Variants in SV2C observed in about 807,000 individuals in gnomAD.
The protein encoded by SV2C is synaptic vesicle glycoprotein 2C, also known as solute carrier family 22 member B3.
SV2C carries 49 observed loss-of-function variants against 79.7 expected under a neutral mutation model. That is an observed-to-expected ratio of 0.61 (90% CI 0.49 to 0.78). The LOEUF (loss-of-function observed/expected upper bound fraction) is 0.78. Among genes scored for constraint, SV2C ranks in the 30% least tolerant of loss-of-function variants. The pLI, the probability that SV2C is intolerant of heterozygous loss-of-function variation, is 0.00. For synonymous variants in SV2C, 334 were observed against 333.2 expected (o/e 1.00, Z -0.03); for missense variants, 833 against 912.9 (o/e 0.91, Z 1.13).
the SV2C span, among the ~76,000 whole-genome samples, chr5:75,978,123 A>G: frequency 6.6e-6 from 1 of 152,136 alleles, no homozygotes; most frequent in Non-Finnish European, 1.5e-5. Flanking sequence ...AAGGTCACCA[A>G]TGACCCCCAT....
intron 8 of SV2C, 128 bp downstream of exon 8, chr5:76,291,984 C>T: frequency 1.6e-6 from 1 of 637,086 alleles, no homozygotes; most frequent in East Asian, 2.9e-5. Flanking sequence ...TTTTTTTCAG[C>T]TTAGGTTTGC....
chr5:76,034,110 C>A, the SV2C span, among the ~76,000 whole-genome samples: 122,570 of 150,986 alleles, frequency 0.81, 50,402 homozygotes, highest in African/African-American at 0.95. Flanking sequence ...TATCCTGAGA[C>A]TTTGCTGAAG....
the SV2C span, among the ~76,000 whole-genome samples, chr5:76,059,483 A>C: frequency 8.4e-6 from 1 of 119,388 alleles, no homozygotes; most frequent in African/African-American, 3.7e-5. Flanking sequence ...CATCTGAAGA[A>C]ATCCTTTTTT....
the SV2C span, among the ~76,000 whole-genome samples, chr5:75,862,998 T>G: frequency 1.3e-5 from 2 of 152,208 alleles, no homozygotes; most frequent in African/African-American, 4.8e-5. Context: ...TGTTACCTGG[T>G]GTGGATTCCA....
intron 1 of SV2C, among the ~76,000 whole-genome samples, chr5:76,116,080 C>T (rs1580277661): frequency 6.6e-6 from 1 of 152,220 alleles, no homozygotes; most frequent in Non-Finnish European, 1.5e-5. Flanking sequence ...CACCCTATAA[C>T]CCTGCACCAT....
the SV2C span, among the ~76,000 whole-genome samples, chr5:75,946,220 C>T: frequency 3.3e-5 from 5 of 152,188 alleles, no homozygotes; most frequent in African/African-American, 1.2e-4. Flanking sequence ...AATACCACTA[C>T]AGAACCTACA....
the SV2C span, among the ~76,000 whole-genome samples, chr5:76,025,301 A>T: frequency 1.3e-5 from 2 of 152,132 alleles, no homozygotes; most frequent in South Asian, 4.1e-4. Context: ...GCTGAGGGGC[A>T]TTCCTGGCTG....
intron 12 of SV2C, among the ~76,000 whole-genome samples, chr5:76,313,380 A>G (rs973713293): frequency 2.0e-5 from 3 of 152,104 alleles, no homozygotes; most frequent in African/African-American, 7.2e-5. Context: ...TGCTTTGGCT[A>G]TCCAGCAAAA....
At chr5:75,948,983 G>A in the SV2C span, among the ~76,000 whole-genome samples, 1 of 151,950 alleles carries the variant, frequency 6.6e-6, no homozygotes, top group Non-Finnish European at 1.5e-5. Context: ...CCCAGTGTTG[G>A]AGATGGAGCC....
At chr5:76,240,030 C>G (rs548732161) in intron 4 of SV2C, among the ~76,000 whole-genome samples, 2 of 152,296 alleles carry the variant, frequency 1.3e-5, no homozygotes, top group East Asian at 3.9e-4. Flanking sequence ...CTTTTCCTTT[C>G]TTATGCTTTT....
At chr5:75,857,199 C>T in the SV2C span, among the ~76,000 whole-genome samples, 4,633 of 152,022 alleles carry the variant, frequency 0.03, 222 homozygotes, top group African/African-American at 0.1. Flanking sequence ...CATTGTGATC[C>T]GCCTGCCTCG....
the SV2C span, among the ~76,000 whole-genome samples, chr5:75,880,838 A>G: frequency 2.0e-5 from 3 of 152,130 alleles, no homozygotes; most frequent in African/African-American, 4.8e-5. Context: ...CCATTTTTGC[A>G]TTGCTATAAA....
the SV2C span, among the ~76,000 whole-genome samples, chr5:75,953,860 G>A: frequency 1.3e-5 from 2 of 151,578 alleles, no homozygotes; most frequent in African/African-American, 4.8e-5. Flanking sequence ...TCTCTTTTTT[G>A]TATCACTTCC....
At chr5:76,227,333 G>C (rs1374887733) in intron 4 of SV2C, among the ~76,000 whole-genome samples, 1 of 152,146 alleles carries the variant, frequency 6.6e-6, no homozygotes, top group African/African-American at 2.4e-5. Context: ...TATGGTTTCT[G>C]TCTTGTAGTG....
rs939809917 is a variant in SV2C, at chr5:76,233,055, T to A, written c.913+23168T>A. Among the ~76,000 whole-genome samples, 13 of 141,838 alleles carry A rather than the reference T, an allele frequency of 9.2e-5. 1 individual carries two copies. The highest frequency in any genetic ancestry group is 8.0e-4 in the Admixed American group (12 of 14,930). The allele number at this position is 141,838 out of a possible 152,430, so 93.1% of individuals were successfully genotyped here. On this transcript the variant is annotated intron_variant, in intron 4 of 12. Coordinates refer to ENST00000502798, the MANE Select transcript of SV2C (RefSeq NM_014979.4). ...AGTATGGCCTTTTTCACGATATTGA[T>A]TCTTCCTACCCATGAGCATGGAATG...
intron 2 of SV2C, among the ~76,000 whole-genome samples, chr5:76,148,491 C>T (rs1428049630): frequency 2.0e-5 from 3 of 152,020 alleles, no homozygotes; most frequent in Non-Finnish European, 4.4e-5. Flanking sequence ...ACTGTGTTGC[C>T]CAAGCTGGAG....
intron 2 of SV2C, 29 bp downstream of exon 2, chr5:76,132,359 T>G (rs779539050): frequency 6.4e-7 from 1 of 1,566,632 alleles, no homozygotes; most frequent in Non-Finnish European, 8.7e-7. Flanking sequence ...TGAGGCCAAC[T>G]CTGAAACTGG....
At chr5:75,912,431 TGCA>T in the SV2C span, among the ~76,000 whole-genome samples, 1 of 152,154 alleles carries the variant, frequency 6.6e-6, no homozygotes, top group African/African-American at 2.4e-5. Flanking sequence ...AGGTCAAGGC[TGCA>T]GTGGGGTGGA....
chr5:75,889,213 G>A, the SV2C span, among the ~76,000 whole-genome samples: 1 of 150,650 alleles, frequency 6.6e-6, no homozygotes, highest in South Asian at 2.1e-4. Flanking sequence ...TAAGCCCCAC[G>A]TGCATTAGGT....
Sources: gnomAD v4.1 joint callset for allele counts (sites outside exome capture counted in the v4.1 genomes callset) on GRCh38, gnomAD v4.1.1 for gene constraint, MANE v1.5 for transcripts, NCBI Gene and HGNC (gene_info 2026-07-23, HGNC 2026-07-21) for gene names.